CACNA1C: variants seen among roughly 807,000 people sequenced by gnomAD.
The protein encoded by CACNA1C is voltage-dependent L-type calcium channel subunit alpha-1C.
In CACNA1C, 30 loss-of-function variants were observed where a neutral mutation model predicts 229.0. That is an observed-to-expected ratio of 0.13 (90% CI 0.10 to 0.18). The LOEUF (loss-of-function observed/expected upper bound fraction) is 0.18. CACNA1C is among the 10% of genes least tolerant of loss of function. The probability of loss-of-function intolerance (pLI) is 1.00; values close to 1 mark genes in which losing one functional copy is unlikely to be tolerated. For synonymous variants in CACNA1C, 1,114 were observed against 1,132.5 expected, an observed-to-expected ratio of 0.98 and a Z score of 0.33; for missense variants, 1,658 against 2,845.0, an observed-to-expected ratio of 0.58 and a Z score of 9.49.
chr12:2,043,214 C>G (rs2050444224), intron 1 of CACNA1C, among the ~76,000 whole-genome samples: 2 of 152,244 alleles, frequency 1.3e-5, no homozygotes, highest in African/African-American at 4.8e-5. Flanking sequence ...CAGAACTTGG[C>G]AAATCCCTAA....
chr12:1,978,532 T>C (rs189754893), intron 1 of CACNA1C, among the ~76,000 whole-genome samples: 8 of 152,350 alleles, frequency 5.3e-5, no homozygotes, highest in African/African-American at 1.4e-4. Context: ...CTTTCTTACA[T>C]TGAAGAATCA....
chr12:2,200,296 C>T (rs2154317239), intron 3 of CACNA1C, among the ~76,000 whole-genome samples: 1 of 152,302 alleles, frequency 6.6e-6, no homozygotes, highest in Middle Eastern at 3.4e-3. Flanking sequence ...CTTCAGCAGA[C>T]TCTTGAGGAG....
At chr12:2,662,241 CA>C (rs34136018) in intron 34 of CACNA1C, among the ~76,000 whole-genome samples, 18 of 135,780 alleles carry the variant, frequency 1.3e-4, no homozygotes, top group African/African-American at 2.9e-4. Context: ...GACCCCATCT[CA>C]AAAAAAAAAA....
At chr12:2,035,125 C>T (rs774599251) in intron 1 of CACNA1C, among the ~76,000 whole-genome samples, 6 of 152,168 alleles carry the variant, frequency 3.9e-5, no homozygotes, top group Non-Finnish European at 7.4e-5. Flanking sequence ...GGGGGCGTGG[C>T]CTCCCCTGCG....
At chr12:2,437,976 AATGATGGTG>A (rs1567678381) in intron 3 of CACNA1C, among the ~76,000 whole-genome samples, 1 of 109,908 alleles carries the variant, frequency 9.1e-6, no homozygotes, top group Non-Finnish European at 1.9e-5. Context: ...TGGTGGTGAT[AATGATGGTG>A]ATGATGGTGG....
At chr12:2,641,237 T>C (rs1263194441) in intron 30 of CACNA1C, among the ~76,000 whole-genome samples, 1 of 152,184 alleles carries the variant, frequency 6.6e-6, no homozygotes, top group Non-Finnish European at 1.5e-5. Flanking sequence ...GCACCCGCTG[T>C]GTGATGTTGC....
chr12:2,309,698 GTAAA>G (rs1188032295), intron 3 of CACNA1C, among the ~76,000 whole-genome samples: 2 of 152,206 alleles, frequency 1.3e-5, no homozygotes, highest in East Asian at 1.9e-4. Context: ...ATAAATAAAA[GTAAA>G]TAAGAAGAAA....
Position 2,585,116 on chromosome 12 carries a change from T to A in CACNA1C, c.2340-260T>A, listed in dbSNP as rs947164176. 1.3e-5 allele frequency among the ~76,000 whole-genome samples: 2 copies of A among 152,154 alleles called. No individual in the cohort carries two copies. The highest frequency in any genetic ancestry group is 4.8e-5 in the African/African-American group (2 of 41,450). On this transcript the variant is annotated intron_variant, in intron 16 of 46. Coordinates refer to ENST00000399655, the MANE Select transcript of CACNA1C (RefSeq NM_000719.7). The surrounding 1 kb of genome is among the most constrained non-coding windows in gnomAD (Gnocchi z 4.1). ...AGCCAATCCTAGATGAGATCCACCA[T>A]CCTTTTCTGCTTTGGCGACCCAGGC...
At chr12:2,510,977 A>T (rs1247244683) in intron 8 of CACNA1C, among the ~76,000 whole-genome samples, 2 of 152,244 alleles carry the variant, frequency 1.3e-5, no homozygotes, top group Non-Finnish European at 2.9e-5. Flanking sequence ...GATCATCCCC[A>T]GAAGGGAAGG....
At chr12:2,256,708 C>T (rs1411706668) in intron 3 of CACNA1C, among the ~76,000 whole-genome samples, 2 of 152,032 alleles carry the variant, frequency 1.3e-5, no homozygotes, top group African/African-American at 4.8e-5. Context: ...CCTTTCTAGC[C>T]ATCCTCAGAT....
In CACNA1C at chr12:2,512,321, G is replaced by A. The variant is rs527643817; in HGVS notation, c.1218-491G>A. Reference sequence around the variant, plus strand: ...ATGATTGGCTCTCAGGACCTGGGGCGAGTGAGTGGGCTTTGGTACACTGCC... The same window carrying A: ...ATGATTGGCTCTCAGGACCTGGGGCAAGTGAGTGGGCTTTGGTACACTGCC... On this transcript the variant is annotated intron_variant, in intron 8 of 46. Transcript: ENST00000399655. The surrounding 1 kb of genome is among the most constrained non-coding windows in gnomAD (Gnocchi z 4.3). Among the ~76,000 whole-genome samples, 37 of 152,264 alleles carry A rather than the reference G, an allele frequency of 2.4e-4. 1 individual carries two copies. In the South Asian group the frequency reaches 5.8e-3, roughly 24 times the overall value.
intron 7 of CACNA1C, among the ~76,000 whole-genome samples, chr12:2,502,189 C>G (rs2099762032): frequency 6.6e-6 from 1 of 152,226 alleles, no homozygotes; most frequent in African/African-American, 2.4e-5. Flanking sequence ...GCTGCCTGGT[C>G]ATTTCCTGTC....
intron 3 of CACNA1C, among the ~76,000 whole-genome samples, chr12:2,440,108 CT>C (rs1270587823): frequency 6.6e-6 from 1 of 152,162 alleles, no homozygotes; most frequent in Non-Finnish European, 1.5e-5. Flanking sequence ...AAGAATGCTT[CT>C]TTTTTTATTG....
In CACNA1C at chr12:2,403,391, G is replaced by A. The variant is rs530087934; in HGVS notation, c.478-45585G>A. Among the ~76,000 whole-genome samples the A allele has an allele frequency of 1.3e-5, 2 of 152,228 alleles. No homozygotes were observed. The highest frequency in any genetic ancestry group is 2.1e-4 in the South Asian group (1 of 4,822). The stretch of plus-strand genomic sequence containing the variant: ...GATGGCGTTGGAGGCAGGAGTGAGC[G>A]CGGAGCTGTGAGGACCCAGGGAGGA... On this transcript the variant is annotated intron_variant, in intron 3 of 46. Transcript: ENST00000399655. This position sits in a 1 kb window ranked among gnomAD's most constrained non-coding sequence, Gnocchi z 4.1.
chr12:2,500,463 T>C (rs529759999), intron 7 of CACNA1C, among the ~76,000 whole-genome samples: 2 of 152,012 alleles, frequency 1.3e-5, no homozygotes, highest in South Asian at 2.1e-4. Flanking sequence ...ATTTAAGGGG[T>C]GTGAGGAACT....
At chr12:2,519,999 T>C (rs1207762119) in intron 9 of CACNA1C, among the ~76,000 whole-genome samples, 1 of 152,282 alleles carries the variant, frequency 6.6e-6, no homozygotes, top group Non-Finnish European at 1.5e-5. Flanking sequence ...TCAGCCTGTT[T>C]CAGTGAGCTG....
Position 2,677,257 on chromosome 12 carries a change from G to T in CACNA1C, c.4956+36G>T. On this transcript the variant is annotated intron_variant, in intron 40 of 46. Coordinates refer to ENST00000399655, the MANE Select transcript of CACNA1C (RefSeq NM_000719.7). The surrounding 1 kb of genome is among the most constrained non-coding windows in gnomAD (Gnocchi z 7.4). ...GGGGGCGGGCCCACACTCCAGGAAGGTCCTGGTCATTGCCTCTGACCTCCA... is the reference window on the plus strand; with the variant it reads ...GGGGGCGGGCCCACACTCCAGGAAGTTCCTGGTCATTGCCTCTGACCTCCA... 1 of 1,606,108 alleles carries T rather than the reference G, an allele frequency of 6.2e-7. No homozygotes were observed. The highest frequency in any genetic ancestry group is 8.5e-7 in the Non-Finnish European group (1 of 1,175,314).
intron 13 of CACNA1C, among the ~76,000 whole-genome samples, chr12:2,568,660 C>T (rs1363413997): frequency 1.3e-5 from 2 of 152,062 alleles, no homozygotes; most frequent in Admixed American, 1.3e-4. Flanking sequence ...TGAAATAAGC[C>T]AGTCACAGAA....
At chr12:2,335,295 C>G (rs1457505039) in intron 3 of CACNA1C, among the ~76,000 whole-genome samples, 2 of 152,054 alleles carry the variant, frequency 1.3e-5, no homozygotes, top group East Asian at 3.9e-4. Context: ...CCTGCAGGCT[C>G]CCACCTTCCG....
Sources: allele counts gnomAD v4.1 joint callset (sites outside exome capture counted in the v4.1 genomes callset), GRCh38; gene constraint gnomAD v4.1.1; non-coding constraint Gnocchi (gnomAD v3.1); transcripts MANE v1.5; gene names NCBI Gene and HGNC (gene_info 2026-07-23, HGNC 2026-07-21).